The following RPS6KA5 variants were observed in gnomAD, a reference collection of about 807,000 sequenced individuals.
RPS6KA5 encodes the protein ribosomal protein S6 kinase A5, also known as ribosomal protein S6 kinase alpha-5.
In RPS6KA5, 27 loss-of-function variants were observed where a neutral mutation model predicts 85.5. That is an observed-to-expected ratio of 0.32 (90% CI 0.23 to 0.44). The LOEUF is 0.44. Among genes scored for constraint, RPS6KA5 ranks in the 20% least tolerant of loss-of-function variants. RPS6KA5 has a pLI of 1.00. For missense variants in RPS6KA5, 811 were observed against 980.9 expected, an observed-to-expected ratio of 0.83 and a Z score of 2.31; for synonymous variants, 334 against 348.2, an observed-to-expected ratio of 0.96 and a Z score of 0.46.
chr14:90,881,041 T>A (rs946768932), intron 14 of RPS6KA5, among the ~76,000 whole-genome samples: 3 of 151,916 alleles, frequency 2.0e-5, no homozygotes, highest in African/African-American at 7.2e-5. Context: ...CACTATGTTG[T>A]CCAGGCTAGT....
At chr14:90,918,291 G>C (rs965665575) in intron 7 of RPS6KA5, among the ~76,000 whole-genome samples, 36 of 152,148 alleles carry the variant, frequency 2.4e-4, no homozygotes, top group African/African-American at 8.4e-4. Context: ...TAAAGGTGTT[G>C]ATAGTCTTTT....
chr14:90,997,679 G>A (rs1224856547), intron 2 of RPS6KA5, among the ~76,000 whole-genome samples: 3 of 152,132 alleles, frequency 2.0e-5, no homozygotes, highest in African/African-American at 7.2e-5. Context: ...GAAACAAAAT[G>A]TGGTATATCT....
rs2032786387 is a variant in RPS6KA5 at position 90,865,976 on chromosome 14, C to T, written c.*6098G>A. 6.6e-6 allele frequency: 1 copy of T among 152,174 alleles called. No individual in the cohort carries two copies. The allele number at this position is 152,174 out of a possible 1,614,324, so 9.4% of individuals were successfully genotyped here. On this transcript the variant is annotated 3_prime_UTR_variant, in exon 17 of 17. Transcript: ENST00000614987. ...TCCTTATTCCTAATAATTTTCATCA[C>T]AAACATTTCCCAGCTCTGTCCCAAT...
At chr14:90,995,911 C>T (rs1298948270) in intron 2 of RPS6KA5, among the ~76,000 whole-genome samples, 1 of 152,164 alleles carries the variant, frequency 6.6e-6, no homozygotes, top group Non-Finnish European at 1.5e-5. Flanking sequence ...GAGACCCTGT[C>T]TCTACTAAAT....
At chr14:91,041,940 C>CT (rs1230031321) in intron 1 of RPS6KA5, among the ~76,000 whole-genome samples, 2 of 151,896 alleles carry the variant, frequency 1.3e-5, no homozygotes, top group African/African-American at 4.8e-5. Context: ...AACAAACAGG[C>CT]TTTTTTTTCC....
At chr14:90,928,787 G>T (rs1286124) in intron 5 of RPS6KA5, among the ~76,000 whole-genome samples, 96,059 of 149,734 alleles carry the variant, frequency 0.64, 32,126 homozygotes, top group East Asian at 0.88. Context: ...ATTTGAAAGT[G>T]AATCCACACA....
At chr14:91,060,224 T>G in intron 1 of RPS6KA5, 108 bp downstream of exon 1, 2 of 898,314 alleles carry the variant, frequency 2.2e-6, no homozygotes, top group Non-Finnish European at 2.6e-6. Flanking sequence ...GGCCCGCCCC[T>G]CCGCGCCCAC....
intron 3 of RPS6KA5, among the ~76,000 whole-genome samples, chr14:90,951,044 G>C (rs566350764): frequency 1.3e-5 from 2 of 150,248 alleles, no homozygotes; most frequent in Non-Finnish European, 3.0e-5. Context: ...TGCTTGAACC[G>C]GGAGGCAGAG....
Position 90,855,079 on chromosome 14 carries a change from G to A in RPS6KA5, c.*16995C>T, listed in dbSNP as rs150528726. 24 of 151,996 alleles carry A rather than the reference G, an allele frequency of 1.6e-4. No individual in the cohort carries two copies. Among genetic ancestry groups the A allele is most frequent in the African/African-American group, 4.6e-4 (19 of 41,460 alleles). 9.4% of individuals were successfully genotyped at this position (151,996 alleles called of 1,614,324 possible). A position where few individuals can be genotyped will look rare whatever the true frequency, so the allele number is the denominator to read the frequency against. ...AGTTTCAAGTGATATCTCCATCAGC[G>A]AATAAAAAGATGTATAAGTTCACTC... On this transcript the variant is annotated 3_prime_UTR_variant, in exon 17 of 17. Transcript: ENST00000614987.
At chr14:91,031,300 C>T (rs1049039079) in intron 1 of RPS6KA5, among the ~76,000 whole-genome samples, 2 of 152,038 alleles carry the variant, frequency 1.3e-5, no homozygotes, top group Non-Finnish European at 2.9e-5. Flanking sequence ...ATAATGAAGA[C>T]ATTTTAATAT....
intron 12 of RPS6KA5, among the ~76,000 whole-genome samples, chr14:90,897,136 C>T (rs888503414): frequency 1.3e-5 from 2 of 152,142 alleles, no homozygotes; most frequent in Non-Finnish European, 2.9e-5. Context: ...ACTTTGATCC[C>T]TCGCCATGCG....
chr14:90,983,811 C>CTCTCTG (rs1226715761), intron 2 of RPS6KA5, among the ~76,000 whole-genome samples: 1 of 115,778 alleles, frequency 8.6e-6, no homozygotes, highest in African/African-American at 3.5e-5. Context: ...CTCTCTCTCT[C>CTCTCTG]TCTCTGTCTC....
intron 1 of RPS6KA5, among the ~76,000 whole-genome samples, chr14:91,051,113 C>T (rs753416087): frequency 3.8e-4 from 57 of 151,960 alleles, no homozygotes; most frequent in Non-Finnish European, 7.4e-4. Flanking sequence ...GTGGCACACA[C>T]TTGTAGTCCC....
At chr14:91,019,905 A>T (rs1295081687) in intron 1 of RPS6KA5, among the ~76,000 whole-genome samples, 1 of 152,202 alleles carries the variant, frequency 6.6e-6, no homozygotes, top group African/African-American at 2.4e-5. Flanking sequence ...TTGTATGAAC[A>T]CCATAGAATG....
intron 5 of RPS6KA5, among the ~76,000 whole-genome samples, chr14:90,932,822 T>C (rs537518495): frequency 8.5e-5 from 13 of 152,294 alleles, no homozygotes; most frequent in Middle Eastern, 3.4e-3. Context: ...GCTGTATTAT[T>C]ATAGGAGATA....
rs1215322879 is a variant in RPS6KA5, at chr14:90,983,811, C to CTG, written c.176-5288_176-5287insCA. Reference sequence around the variant, plus strand: ...TTTCTCTCTCTCTCTCTCTCTCTCTCTCTCTGTCTCTCTCTCTCTCTCTCT... The same window carrying CTG: ...TTTCTCTCTCTCTCTCTCTCTCTCTCTGTCTCTGTCTCTCTCTCTCTCTCTCT... On this transcript the variant is annotated intron_variant, in intron 2 of 16. Coordinates refer to ENST00000614987, the MANE Select transcript of RPS6KA5 (RefSeq NM_004755.4). Among the ~76,000 whole-genome samples, 356 of 115,748 alleles carry CTG rather than the reference C, an allele frequency of 3.1e-3. 1 individual carries two copies. The highest frequency in any genetic ancestry group is 0.011 in the African/African-American group (305 of 28,978). The allele number at this position is 115,748 out of a possible 152,430, so 75.9% of individuals were successfully genotyped here. A position where few individuals can be genotyped will look rare whatever the true frequency, so the allele number is the denominator to read the frequency against.
chr14:91,003,909 A>C (rs1263376179), intron 1 of RPS6KA5, among the ~76,000 whole-genome samples: 2 of 152,250 alleles, frequency 1.3e-5, no homozygotes, highest in African/African-American at 4.8e-5. Flanking sequence ...GCAAGATTCC[A>C]GTAAACAATC....
intron 2 of RPS6KA5, among the ~76,000 whole-genome samples, chr14:90,990,286 A>G (rs533335501): frequency 1.1e-4 from 17 of 152,248 alleles, no homozygotes; most frequent in Non-Finnish European, 2.4e-4. Context: ...AATGTTCAAC[A>G]TCACTAATCA....
At chr14:90,992,518 G>A (rs1176565149) in intron 2 of RPS6KA5, among the ~76,000 whole-genome samples, 1 of 152,202 alleles carries the variant, frequency 6.6e-6, no homozygotes, top group Non-Finnish European at 1.5e-5. Flanking sequence ...CACAAGGTTT[G>A]ACTATATAAA....
Sources: gnomAD v4.1 joint callset for allele counts (sites outside exome capture counted in the v4.1 genomes callset) on GRCh38, gnomAD v4.1.1 for gene constraint, MANE v1.5 for transcripts, NCBI Gene and HGNC (gene_info 2026-07-23, HGNC 2026-07-21) for gene names.